The following INSR variants were observed in gnomAD, a reference collection of about 807,000 sequenced individuals.
INSR encodes the protein IR.
In INSR, 67 loss-of-function variants were observed where a neutral mutation model predicts 142.6. That is an observed-to-expected ratio of 0.47 (90% CI 0.39 to 0.58). The LOEUF (loss-of-function observed/expected upper bound fraction) is 0.58, where lower values mean the gene tolerates loss of function less well. INSR is among the 20% of genes least tolerant of loss of function. The pLI is 0.00. For synonymous variants in INSR, 756 were observed against 743.1 expected, an observed-to-expected ratio of 1.02 and a Z score of -0.28; for missense variants, 1,248 against 1,833.2, an observed-to-expected ratio of 0.68 and a Z score of 5.83.
intron 8 of INSR, among the ~76,000 whole-genome samples, chr19:7,164,543 C>T (rs556649446): frequency 1.9e-4 from 28 of 150,892 alleles, no homozygotes; most frequent in East Asian, 5.9e-4. Flanking sequence ...AATGGCTGGG[C>T]GCGGTGGCTC....
chr19:7,139,827 T>TC, intron 13 of INSR, among the ~76,000 whole-genome samples: 1 of 141,212 alleles, frequency 7.1e-6, no homozygotes, highest in East Asian at 2.2e-4. Flanking sequence ...TATTCTTTTT[T>TC]TTTTTTTTTT....
Position 7,124,540 on chromosome 19 carries a change from GGAAAAAAAAAAAAAAAAAAAAAAA to G in INSR, c.3258+719_3258+742del, listed in dbSNP as rs1568429333. On this transcript the variant is annotated intron_variant, in intron 17 of 21. Coordinates refer to ENST00000302850, the MANE Select transcript of INSR (RefSeq NM_000208.4). Reference sequence around the variant, plus strand: ...CACAACAAAGCGAGACTCCGTTTCAGGAAAAAAAAAAAAAAAAAAAAAAAAAAAAAAAAAAAAAAAAAAAAAAAA... The same window carrying G: ...CACAACAAAGCGAGACTCCGTTTCAGAAAAAAAAAAAAAAAAAAAAAAAAA... 4.6e-3 allele frequency among the ~76,000 whole-genome samples: 50 copies of G among 10,790 alleles called. 2 individuals are homozygous for G. The highest frequency in any genetic ancestry group is 0.037 in the East Asian group (8 of 216). 7.1% of individuals were successfully genotyped at this position (10,790 alleles called of 152,430 possible).
chr19:7,204,255 A>G (rs918164281), intron 2 of INSR, among the ~76,000 whole-genome samples: 2 of 151,634 alleles, frequency 1.3e-5, no homozygotes, highest in Non-Finnish European at 1.5e-5. Context: ...GGGTTTCACC[A>G]TGTTGGCCAG....
chr19:7,168,545 G>A lies in INSR; in HGVS notation c.1484-451C>T, dbSNP rs1973939989. Among the ~76,000 whole-genome samples, 2 of 152,054 alleles carry A rather than the reference G, an allele frequency of 1.3e-5. No individual in the cohort carries two copies. The highest frequency in any genetic ancestry group is 4.2e-4 in the South Asian group (2 of 4,816). Reference sequence around the variant, plus strand: ...GAGACCCTGCAGATCATTAGACATCGGAGAGACGCATCTAAGTAATTCTCT... The same window carrying A: ...GAGACCCTGCAGATCATTAGACATCAGAGAGACGCATCTAAGTAATTCTCT... On this transcript the variant is annotated intron_variant, in intron 6 of 21. Transcript: ENST00000302850. The surrounding 1 kb of genome is among the most constrained non-coding windows in gnomAD (Gnocchi z 4.3).
chr19:7,233,668 C>CTTTTTTT lies in INSR; in HGVS notation c.652+33670_652+33676dup, dbSNP rs35763064. Among the ~76,000 whole-genome samples the CTTTTTTT allele has an allele frequency of 4.4e-3, 321 of 72,410 alleles. 4 individuals carry two copies. The highest frequency in any genetic ancestry group is 6.3e-3 in the Non-Finnish European group (265 of 42,150). 47.5% of individuals were successfully genotyped at this position (72,410 alleles called of 152,430 possible). On this transcript the variant is annotated intron_variant, in intron 2 of 21. Transcript: ENST00000302850. ...CGTCTTTTGTTTTTTCTTTTTCTGT[C>CTTTTTTT]TTTTTTTTTTTTTTTTTTTTTTTTT...
At chr19:7,196,983 G>A (rs1974765285) in intron 2 of INSR, among the ~76,000 whole-genome samples, 1 of 152,142 alleles carries the variant, frequency 6.6e-6, no homozygotes, top group Admixed American at 6.5e-5. Flanking sequence ...ACTGGCCCCA[G>A]ACCCTGACCT....
At chr19:7,197,321 A>AGAGG (rs1974777913) in intron 2 of INSR, among the ~76,000 whole-genome samples, 1 of 151,324 alleles carries the variant, frequency 6.6e-6, no homozygotes. Flanking sequence ...CTTCGGAGAG[A>AGAGG]GAGTGAGTGA....
At chr19:7,287,739 T>C (rs1246745986) in intron 1 of INSR, among the ~76,000 whole-genome samples, 1 of 152,168 alleles carries the variant, frequency 6.6e-6, no homozygotes, top group African/African-American at 2.4e-5. Flanking sequence ...TAGCGTTTCA[T>C]TTCACTCACT....
intron 2 of INSR, among the ~76,000 whole-genome samples, chr19:7,211,074 G>C (rs186820810): frequency 2.0e-5 from 3 of 152,118 alleles, no homozygotes; most frequent in Admixed American, 2.0e-4. Context: ...TTGTTAGTTG[G>C]CTGGTTTGTT....
At chr19:7,128,164 G>A (rs939053274) in intron 15 of INSR, among the ~76,000 whole-genome samples, 2 of 151,762 alleles carry the variant, frequency 1.3e-5, no homozygotes, top group East Asian at 3.9e-4. Flanking sequence ...CAGCAAAGAC[G>A]TCACTCATAT....
chr19:7,124,604 TATATATATATATATATATATA>T (rs1972595002), intron 17 of INSR, among the ~76,000 whole-genome samples: 1 of 36,280 alleles, frequency 2.8e-5, no homozygotes, highest in Non-Finnish European at 4.4e-5. Flanking sequence ...TATATATATA[TATATATATATATATATATATA>T]TATATATATA....
chr19:7,291,370 G>A (rs533248419), intron 1 of INSR, among the ~76,000 whole-genome samples: 8 of 152,324 alleles, frequency 5.3e-5, no homozygotes, highest in South Asian at 4.1e-4. Flanking sequence ...GGGTTTTGCC[G>A]TGAGGATTAA....
At chr19:7,241,047 G>A (rs1207888788) in intron 2 of INSR, among the ~76,000 whole-genome samples, 1 of 152,148 alleles carries the variant, frequency 6.6e-6, no homozygotes, top group Non-Finnish European at 1.5e-5. Context: ...GGAAGTTTAT[G>A]TACCAAACCT....
chr19:7,170,842 A>G, intron 5 of INSR, 91 bp from the exon 6 acceptor site: 4 of 975,374 alleles, frequency 4.1e-6, no homozygotes, highest in Non-Finnish European at 5.0e-6. Flanking sequence ...GATCTTGTTC[A>G]GTGCTACGTG....
chr19:7,128,869 A>G lies in INSR; in HGVS notation c.2928T>C (p.Tyr976=), dbSNP rs1415501212. Residue 976 remains tyrosine, a synonymous_variant, in exon 15 of 22, where the codon TAT becomes TAC. Transcript: ENST00000302850. ...FLFSVVIGSI[Y]LFLRKRQPDG... ...GAACTCACCTCTTTCTCAGGAATAG[A>G]TAAATACTTCCAATCACAACACTGA... 1.2e-6 allele frequency: 2 copies of G among 1,613,160 alleles called. No homozygotes were observed. Among genetic ancestry groups the G allele is most frequent in the Non-Finnish European group, 8.5e-7 (1 of 1,179,064 alleles).
At chr19:7,247,603 G>A (rs1600088277) in intron 2 of INSR, among the ~76,000 whole-genome samples, 1 of 152,132 alleles carries the variant, frequency 6.6e-6, no homozygotes, top group African/African-American at 2.4e-5. Flanking sequence ...TATTTTTATC[G>A]AAAGAGGGGA....
At position 7,168,139 on chromosome 19, in the gene INSR, A is replaced by C; in HGVS notation, c.1484-45T>G. The C allele has an allele frequency of 6.2e-7, 1 of 1,606,534 alleles. No individual in the cohort carries two copies. The highest frequency in any genetic ancestry group is 8.5e-7 in the Non-Finnish European group (1 of 1,174,428). Reference sequence around the variant, plus strand: ...AGGCAAAAATGAGCTATTTCAGTGTAGTTTCAGACCAAAGCCTGGGACCCC... The same window carrying C: ...AGGCAAAAATGAGCTATTTCAGTGTCGTTTCAGACCAAAGCCTGGGACCCC... On this transcript the variant is annotated intron_variant, in intron 6 of 21. Coordinates refer to ENST00000302850, the MANE Select transcript of INSR (RefSeq NM_000208.4). This position sits in a 1 kb window ranked among gnomAD's most constrained non-coding sequence, Gnocchi z 4.3.
intron 1 of INSR, among the ~76,000 whole-genome samples, chr19:7,276,126 T>C (rs1276982495): frequency 1.4e-4 from 22 of 152,100 alleles, no homozygotes; most frequent in Non-Finnish European, 1.5e-5. Context: ...TTTTCAATCA[T>C]AAAGGTCCTT....
intron 1 of INSR, among the ~76,000 whole-genome samples, chr19:7,288,581 G>A (rs1433051764): frequency 1.3e-5 from 2 of 148,362 alleles, no homozygotes; most frequent in African/African-American, 4.9e-5. Context: ...GGAGGCTGCA[G>A]TAAGCTAGGA....
Sources: allele counts gnomAD v4.1 joint callset (sites outside exome capture counted in the v4.1 genomes callset), GRCh38; gene constraint gnomAD v4.1.1; non-coding constraint Gnocchi (gnomAD v3.1); transcripts MANE v1.5; gene names NCBI Gene and HGNC (gene_info 2026-07-23, HGNC 2026-07-21).